EPM2A: variants seen among roughly 807,000 people sequenced by gnomAD.
The protein encoded by EPM2A is EPM2A glucan phosphatase, laforin, also known as laforin.
Under a neutral mutation model 26.5 loss-of-function variants are expected in EPM2A, and 21 were observed. The observed-to-expected ratio is 0.79, with a 90% CI of 0.56 to 1.14. The LOEUF (loss-of-function observed/expected upper bound fraction) is 1.14, where lower values mean the gene tolerates loss of function less well. EPM2A is among the 50% of genes most tolerant of loss of function. The probability of loss-of-function intolerance (pLI) is 0.00; values close to 1 mark genes in which losing one functional copy is unlikely to be tolerated. For missense variants in EPM2A, 458 were observed against 440.8 expected, an observed-to-expected ratio of 1.04 and a Z score of -0.35; for synonymous variants, 217 against 177.6, an observed-to-expected ratio of 1.22 and a Z score of -1.76.
At position 145,705,815 on chromosome 6, in the gene EPM2A, A is replaced by T. The variant is rs567364495; in HGVS notation, c.302-19519T>A. Reference sequence around the variant, plus strand: ...TAACAAAGATATACTTCTTCAACAGAGCAAAGAAGAACAATCTTCCCCTGG... The same window carrying T: ...TAACAAAGATATACTTCTTCAACAGTGCAAAGAAGAACAATCTTCCCCTGG... On this transcript the variant is annotated intron_variant, in intron 1 of 3. Transcript: ENST00000367519. The T allele has an allele frequency of 5.8e-4, 262 of 455,152 alleles. 1 individual carries two copies. The highest frequency in any genetic ancestry group is 8.6e-4 in the Non-Finnish European group (195 of 226,126). The allele number at this position is 455,152 out of a possible 1,614,324, so 28.2% of individuals were successfully genotyped here. A position where few individuals can be genotyped will look rare whatever the true frequency, so the allele number is the denominator to read the frequency against.
intron 2 of EPM2A, among the ~76,000 whole-genome samples, chr6:145,671,664 G>C (rs1040716053): frequency 2.0e-5 from 3 of 152,100 alleles, no homozygotes; most frequent in African/African-American, 7.2e-5. Context: ...TAGAACCCTA[G>C]CTCCTTAGTC....
At chr6:145,709,625 T>C (rs1782428267) in intron 1 of EPM2A, among the ~76,000 whole-genome samples, 1 of 152,204 alleles carries the variant, frequency 6.6e-6, no homozygotes, top group Non-Finnish European at 1.5e-5. Context: ...TTATTAGCAG[T>C]GTAAGAACAG....
chr6:145,532,021 C>T (rs1273121625), intron 2 of EPM2A, among the ~76,000 whole-genome samples: 1 of 152,174 alleles, frequency 6.6e-6, no homozygotes, highest in South Asian at 2.1e-4. Context: ...TAACAGCACA[C>T]ATCAAACTGA....
At chr6:145,490,909 A>G in intron 4 of EPM2A, 1 of 728,994 alleles carries the variant, frequency 1.4e-6, no homozygotes, top group South Asian at 1.3e-5. Context: ...CTAGAGCAGA[A>G]TCATTAGAGG....
chr6:145,470,194 TA>T (rs1779456094), intron 4 of EPM2A, among the ~76,000 whole-genome samples: 1 of 152,168 alleles, frequency 6.6e-6, no homozygotes, highest in African/African-American at 2.4e-5. Flanking sequence ...TGTAACATCA[TA>T]AAATAGTATA....
At chr6:145,580,880 T>A (rs1282072739) in intron 2 of EPM2A, among the ~76,000 whole-genome samples, 1 of 152,198 alleles carries the variant, frequency 6.6e-6, no homozygotes. Context: ...TAATAGTCCA[T>A]CATGTATCTG....
intron 2 of EPM2A, among the ~76,000 whole-genome samples, chr6:145,656,671 A>G (rs1778314748): frequency 6.6e-6 from 1 of 152,222 alleles, no homozygotes. Flanking sequence ...TGATGTCAAC[A>G]TCATAGAAAA....
chr6:145,559,467 A>G (rs1780775479), intron 2 of EPM2A, among the ~76,000 whole-genome samples: 1 of 152,180 alleles, frequency 6.6e-6, no homozygotes, highest in African/African-American at 2.4e-5. Context: ...TAAAGATAGC[A>G]TAAGCCTGTA....
intron 4 of EPM2A, chr6:145,491,233 G>A (rs1319305692): frequency 1.3e-5 from 5 of 390,604 alleles, no homozygotes; most frequent in Non-Finnish European, 2.4e-5. Context: ...CTGGTGTGCA[G>A]GGGCTGGGGC....
intron 1 of EPM2A, among the ~76,000 whole-genome samples, chr6:145,734,145 AG>A (rs1186066945): frequency 6.6e-6 from 1 of 152,264 alleles, no homozygotes. Flanking sequence ...TATCTGTAAA[AG>A]GAATTTCAAT....
intron 4 of EPM2A, among the ~76,000 whole-genome samples, chr6:145,431,979 T>C (rs1427005679): frequency 6.6e-6 from 1 of 152,216 alleles, no homozygotes; most frequent in Non-Finnish European, 1.5e-5. Flanking sequence ...AGATACCATC[T>C]CAGAAAATCA....
At chr6:145,620,362 A>G (rs1395691456), downstream of EPM2A, among the ~76,000 whole-genome samples, 3 of 152,178 alleles carry the variant, frequency 2.0e-5, no homozygotes, top group East Asian at 3.9e-4. Flanking sequence ...TCAGGCAGTA[A>G]AGCTCACTGA....
At chr6:145,663,589 T>G (rs1420725440) in intron 2 of EPM2A, among the ~76,000 whole-genome samples, 1 of 151,852 alleles carries the variant, frequency 6.6e-6, no homozygotes, top group Admixed American at 6.6e-5. Flanking sequence ...GAAAACACTC[T>G]GCAGGATATT....
intron 2 of EPM2A, among the ~76,000 whole-genome samples, chr6:145,526,181 TG>T (rs903837694): frequency 4.6e-5 from 7 of 152,168 alleles, no homozygotes; most frequent in Non-Finnish European, 1.0e-4. Context: ...GATGTGCTGC[TG>T]GATTCAGTCT....
chr6:145,475,613 T>TA (rs558472260), intron 4 of EPM2A, among the ~76,000 whole-genome samples: 70 of 148,030 alleles, frequency 4.7e-4, no homozygotes, highest in East Asian at 3.7e-3. Flanking sequence ...AAAGTATCAT[T>TA]AAAAAAAAAA....
intron 2 of EPM2A, among the ~76,000 whole-genome samples, chr6:145,528,422 A>G (rs568195976): frequency 6.6e-6 from 1 of 152,288 alleles, no homozygotes; most frequent in African/African-American, 2.4e-5. Context: ...GAAGTTGGTG[A>G]TTTTGAATTG....
chr6:145,734,505 T>C (rs1157134998), intron 1 of EPM2A: 1 of 152,046 alleles, frequency 6.6e-6, no homozygotes, highest in East Asian at 1.9e-4. Flanking sequence ...TTTTAAGAAA[T>C]CAGGTCATGT....
chr6:145,604,558 T>C (rs1163775058), intron 2 of EPM2A, among the ~76,000 whole-genome samples: 1 of 152,124 alleles, frequency 6.6e-6, no homozygotes, highest in South Asian at 2.1e-4. Flanking sequence ...AATAGTCTAT[T>C]AACATGAAAT....
intron 2 of EPM2A, among the ~76,000 whole-genome samples, chr6:145,602,006 G>T (rs1210193861): frequency 6.6e-6 from 1 of 152,094 alleles, no homozygotes; most frequent in Non-Finnish European, 1.5e-5. Context: ...TTAATTAAAT[G>T]ACTTCTTGTC....
Sources: allele counts gnomAD v4.1 joint callset (sites outside exome capture counted in the v4.1 genomes callset), GRCh38; gene constraint gnomAD v4.1.1; transcripts MANE v1.5; gene names NCBI Gene and HGNC (gene_info 2026-07-23, HGNC 2026-07-21).